ADGRL2: variants seen among roughly 807,000 people sequenced by gnomAD.
ADGRL2 encodes adhesion G protein-coupled receptor L2.
ADGRL2 carries 44 observed loss-of-function variants against 157.4 expected under a neutral mutation model. The ratio of observed to expected loss-of-function variants is 0.28; its 90% confidence interval spans 0.22 to 0.36. The LOEUF is 0.36. Among genes scored for constraint, ADGRL2 ranks in the 10% least tolerant of loss-of-function variants. The pLI, the probability that ADGRL2 is intolerant of heterozygous loss-of-function variation, is 1.00. For missense variants in ADGRL2, 1,510 were observed against 1,768.9 expected (o/e 0.85, Z 2.63); for synonymous variants, 585 against 624.7 (o/e 0.94, Z 0.95).
At chr1:81,655,310 T>G (rs149154724) in intron 3 of ADGRL2, among the ~76,000 whole-genome samples, 8 of 152,310 alleles carry the variant, frequency 5.3e-5, no homozygotes, top group African/African-American at 1.7e-4. Flanking sequence ...TCATTCTGTA[T>G]TTTTAATATT....
At chr1:81,535,968 T>C (rs1557437921) in intron 2 of ADGRL2, among the ~76,000 whole-genome samples, 1 of 152,174 alleles carries the variant, frequency 6.6e-6, no homozygotes, top group Admixed American at 6.5e-5. Context: ...TAACTGCACA[T>C]ACAAACAGTG....
chr1:81,801,069 G>A lies in ADGRL2; in HGVS notation c.-101+1G>A, dbSNP rs1204193092. Among the ~76,000 whole-genome samples, 2 of 151,900 alleles carry A rather than the reference G, an allele frequency of 1.3e-5. No homozygotes were observed. The highest frequency in any genetic ancestry group is 4.8e-5 in the African/African-American group (2 of 41,436). On this transcript the variant is annotated splice_donor_variant, in intron 1 of 23. Transcript: ENST00000686636. LOFTEE classifies it low-confidence loss of function (5UTR_SPLICE). Reference sequence around the variant, plus strand: ...ACCGCCGTCCGAAGGGCTCGAGCCCGTAAGTATCCCCTTTCGCTCCTCCTC... The same window carrying A: ...ACCGCCGTCCGAAGGGCTCGAGCCCATAAGTATCCCCTTTCGCTCCTCCTC...
intron 1 of ADGRL2, among the ~76,000 whole-genome samples, chr1:81,353,850 G>A (rs543456281): frequency 1.1e-4 from 17 of 152,304 alleles, no homozygotes; most frequent in South Asian, 4.1e-4. Context: ...AGTCACCAGC[G>A]AGCTAAAGGT....
chr1:81,333,036 G>A (rs78258516), intron 1 of ADGRL2, among the ~76,000 whole-genome samples: 16,213 of 152,150 alleles, frequency 0.11, 1,021 homozygotes, highest in Non-Finnish European at 0.13. Flanking sequence ...CCATCTGGTC[G>A]TATAACTTTG....
In ADGRL2 at chr1:81,961,509, C is replaced by CTTT. The variant is rs5775655; in HGVS notation, c.2018-4536_2018-4534dup. 3.6e-4 allele frequency among the ~76,000 whole-genome samples: 49 copies of CTTT among 137,300 alleles called. 2 individuals carry two copies. Among genetic ancestry groups the CTTT allele is most frequent in the Middle Eastern group, 3.9e-3 (1 of 258 alleles). The allele number at this position is 137,300 out of a possible 152,430, so 90.1% of individuals were successfully genotyped here. A position where few individuals can be genotyped will look rare whatever the true frequency, so the allele number is the denominator to read the frequency against. ...TAAATGTAATTGTATAATTTTCTTT[C>CTTT]TTTTTTTTTTTTTTTGAGACGGAGT... On this transcript the variant is annotated intron_variant, in intron 11 of 23. Coordinates refer to ENST00000686636, the MANE Select transcript of ADGRL2 (RefSeq NM_001366006.2).
chr1:81,814,906 A>G (rs1193597645), intron 1 of ADGRL2, among the ~76,000 whole-genome samples: 3 of 151,774 alleles, frequency 2.0e-5, no homozygotes, highest in South Asian at 2.1e-4. Context: ...AAAATTTTAT[A>G]CATTTTCTTC....
At chr1:81,473,473 T>C (rs2078213273) in intron 2 of ADGRL2, among the ~76,000 whole-genome samples, 1 of 152,152 alleles carries the variant, frequency 6.6e-6, no homozygotes, top group African/African-American at 2.4e-5. Context: ...AATAATAAAA[T>C]TGTAGATTAA....
intron 2 of ADGRL2, among the ~76,000 whole-genome samples, chr1:81,506,676 C>T (rs946053515): frequency 6.6e-6 from 1 of 152,104 alleles, no homozygotes; most frequent in Non-Finnish European, 1.5e-5. Context: ...CACCACTGCA[C>T]TCCAGCCTGG....
At chr1:81,982,430 A>C (rs1661932627) in intron 19 of ADGRL2, among the ~76,000 whole-genome samples, 1 of 151,910 alleles carries the variant, frequency 6.6e-6, no homozygotes, top group African/African-American at 2.4e-5. Context: ...AAAAATCAAT[A>C]ATTAGTACCT....
intron 1 of ADGRL2, among the ~76,000 whole-genome samples, chr1:81,367,097 C>T (rs895052014): frequency 6.6e-6 from 1 of 152,156 alleles, no homozygotes; most frequent in African/African-American, 2.4e-5. Flanking sequence ...TGTAAAATAT[C>T]CAGCAACTTT....
chr1:81,766,652 G>A (rs1205840151), intron 2 of ADGRL2, among the ~76,000 whole-genome samples: 2 of 151,766 alleles, frequency 1.3e-5, no homozygotes, highest in Non-Finnish European at 2.9e-5. Context: ...CCAACATAAA[G>A]AAACCCTGTT....
At chr1:81,553,176 A>G (rs1173406209) in intron 2 of ADGRL2, among the ~76,000 whole-genome samples, 1 of 152,206 alleles carries the variant, frequency 6.6e-6, no homozygotes, top group Non-Finnish European at 1.5e-5. Flanking sequence ...TTTCAGTATT[A>G]TTTAAAAAGT....
intron 2 of ADGRL2, among the ~76,000 whole-genome samples, chr1:81,530,878 T>A (rs757941980): frequency 8.6e-5 from 13 of 151,636 alleles, no homozygotes; most frequent in Non-Finnish European, 1.8e-4. Flanking sequence ...AGGTCGGGAG[T>A]TCGAGACCAA....
chr1:81,697,467 G>C (rs1206393624), upstream of ADGRL2, among the ~76,000 whole-genome samples: 1 of 152,156 alleles, frequency 6.6e-6, no homozygotes, highest in Non-Finnish European at 1.5e-5. Flanking sequence ...GTGATTTGAA[G>C]GAAAGCATGG....
chr1:81,321,705 T>C (rs1052429469), intron 1 of ADGRL2, among the ~76,000 whole-genome samples: 3 of 152,032 alleles, frequency 2.0e-5, no homozygotes, highest in Non-Finnish European at 4.4e-5. Context: ...CCTGAAGAAC[T>C]ATAATAGTCA....
intron 2 of ADGRL2, among the ~76,000 whole-genome samples, chr1:81,772,622 G>A (rs1288662689): frequency 6.6e-6 from 1 of 151,976 alleles, no homozygotes; most frequent in African/African-American, 2.4e-5. Context: ...CCAGCTACTC[G>A]AGAGGCTGAG....
chr1:81,491,623 G>A (rs2078635085), intron 2 of ADGRL2, among the ~76,000 whole-genome samples: 3 of 152,298 alleles, frequency 2.0e-5, no homozygotes, highest in African/African-American at 7.2e-5. Flanking sequence ...ATGACAGAAA[G>A]AGAAGTGACA....
chr1:81,812,251 A>G (rs1163566006), intron 1 of ADGRL2, among the ~76,000 whole-genome samples: 2 of 151,896 alleles, frequency 1.3e-5, no homozygotes, highest in Admixed American at 1.3e-4. Context: ...TAATCAAAGC[A>G]GTATAAATTG....
At chr1:81,782,203 T>A (rs573394873) in intron 2 of ADGRL2, among the ~76,000 whole-genome samples, 1 of 152,274 alleles carries the variant, frequency 6.6e-6, no homozygotes, top group East Asian at 1.9e-4. Context: ...TAAAGTAACA[T>A]TAAAATGTCC....
Sources: gnomAD v4.1 joint callset for allele counts (sites outside exome capture counted in the v4.1 genomes callset) on GRCh38, gnomAD v4.1.1 for gene constraint, MANE v1.5 for transcripts, NCBI Gene and HGNC (gene_info 2026-07-23, HGNC 2026-07-21) for gene names.